The following TMEM117 variants were observed in gnomAD, a reference collection of about 807,000 sequenced individuals.
The protein encoded by TMEM117 is transmembrane protein 117.
Under a neutral mutation model 52.4 loss-of-function variants are expected in TMEM117, and 27 were observed. The observed-to-expected ratio is 0.51, with a 90% CI of 0.38 to 0.71. TMEM117 has a LOEUF of 0.71. Among genes scored for constraint, TMEM117 ranks in the 30% least tolerant of loss-of-function variants. The pLI, the probability that TMEM117 is intolerant of heterozygous loss-of-function variation, is 0.00. For missense variants in TMEM117, 556 were observed against 630.5 expected (o/e 0.88, Z 1.26); for synonymous variants, 215 against 206.3 (o/e 1.04, Z -0.36).
intron 6 of TMEM117, among the ~76,000 whole-genome samples, chr12:44,334,770 A>T (rs1247371192): frequency 6.6e-6 from 1 of 152,026 alleles, no homozygotes; most frequent in Non-Finnish European, 1.5e-5. Flanking sequence ...CACACTCCTC[A>T]ACTCTTGGCA....
At chr12:44,198,000 T>C (rs1361348032) in intron 4 of TMEM117, among the ~76,000 whole-genome samples, 1 of 152,236 alleles carries the variant, frequency 6.6e-6, no homozygotes, top group African/African-American at 2.4e-5. Context: ...GATTTTAAGA[T>C]ACTTCTTGTG....
At chr12:44,139,786 A>G (rs1948545192) in intron 3 of TMEM117, among the ~76,000 whole-genome samples, 1 of 152,148 alleles carries the variant, frequency 6.6e-6, no homozygotes, top group Non-Finnish European at 1.5e-5. Flanking sequence ...ACTTGCCCAA[A>G]TCAGTAGGTA....
In TMEM117 at chr12:44,388,070, G is replaced by T. The variant is rs1952114863; in HGVS notation, c.943G>T (p.Asp315Tyr). 1 of 1,611,800 alleles carries T rather than the reference G, an allele frequency of 6.2e-7. No homozygotes were observed. ...AATTATCTTCCTCGTCTTGATTTTG[G>T]ATCTTAATATGTGGAAGAACCAAAT... ...YGIIFLVLIL[D>Y]LNMWKNQIFY... Residue 315 changes from aspartate (D) to tyrosine (Y), a missense_variant, in exon 8 of 8, where the codon GAT becomes TAT. This residue lies in a region of TMEM117 where 22 missense variants were observed against 48.1 expected (regional missense o/e 0.46). Coordinates refer to ENST00000266534, the MANE Select transcript of TMEM117 (RefSeq NM_032256.3).
chr12:44,045,704 G>A (rs538663737), intron 3 of TMEM117, among the ~76,000 whole-genome samples: 3 of 152,182 alleles, frequency 2.0e-5, no homozygotes, highest in Non-Finnish European at 2.9e-5. Context: ...TTAGCCAAGC[G>A]TGGTGGCGGG....
intron 4 of TMEM117, among the ~76,000 whole-genome samples, chr12:44,190,101 G>A (rs541047664): frequency 1.6e-4 from 24 of 152,294 alleles, no homozygotes; most frequent in African/African-American, 5.3e-4. Flanking sequence ...TGTCCATCTA[G>A]GGAAAGTAAT....
intron 6 of TMEM117, among the ~76,000 whole-genome samples, chr12:44,347,765 T>TAGTC (rs1951507996): frequency 6.6e-6 from 1 of 151,980 alleles, no homozygotes; most frequent in Non-Finnish European, 1.5e-5. Context: ...CTCAGAGAAA[T>TAGTC]AGTCAAACAC....
At chr12:43,992,647 C>T (rs1945962980) in intron 3 of TMEM117, among the ~76,000 whole-genome samples, 1 of 152,160 alleles carries the variant, frequency 6.6e-6, no homozygotes, top group Non-Finnish European at 1.5e-5. Context: ...CTGAAATAGA[C>T]AGTGTTCCAG....
chr12:43,979,456 T>C (rs2137716139), intron 3 of TMEM117, among the ~76,000 whole-genome samples: 1 of 152,312 alleles, frequency 6.6e-6, no homozygotes, highest in Middle Eastern at 3.4e-3. Flanking sequence ...TTAGCATTCC[T>C]TGAGGAAGTA....
intron 4 of TMEM117, among the ~76,000 whole-genome samples, chr12:44,207,334 A>G (rs944993231): frequency 2.6e-5 from 4 of 152,178 alleles, no homozygotes; most frequent in Admixed American, 6.6e-5. Context: ...CTTTAGATAC[A>G]GTATATGTAG....
At chr12:43,975,402 A>G (rs904853802) in intron 3 of TMEM117, among the ~76,000 whole-genome samples, 2 of 152,218 alleles carry the variant, frequency 1.3e-5, no homozygotes, top group Non-Finnish European at 2.9e-5. Context: ...AATAGTTATC[A>G]AGACCTAACT....
At chr12:44,275,515 G>T (rs1016234614) in intron 5 of TMEM117, among the ~76,000 whole-genome samples, 10 of 152,008 alleles carry the variant, frequency 6.6e-5, no homozygotes, top group Non-Finnish European at 1.2e-4. Context: ...TTGCAGCACT[G>T]TTCACAATAG....
Position 44,172,655 on chromosome 12 carries a change from A to G in TMEM117, c.510+29031A>G, listed in dbSNP as rs558162651. Among the ~76,000 whole-genome samples, 5 of 152,242 alleles carry G rather than the reference A, an allele frequency of 3.3e-5. No individual in the cohort carries two copies. In the South Asian group the frequency reaches 1.0e-3, roughly 32 times the overall value. On this transcript the variant is annotated intron_variant, in intron 4 of 7. Transcript: ENST00000266534. ...TTTCAGGAACACAGTTAAACCCGTA[A>G]CACTGCCTCTATTGTGTGCATGTGT...
intron 3 of TMEM117, among the ~76,000 whole-genome samples, chr12:43,970,664 T>C (rs1267091782): frequency 6.6e-6 from 1 of 152,160 alleles, no homozygotes. Flanking sequence ...ATCATAGGTA[T>C]GTATATATAG....
At chr12:43,883,119 T>C (rs1392084016) in intron 2 of TMEM117, among the ~76,000 whole-genome samples, 2 of 152,204 alleles carry the variant, frequency 1.3e-5, no homozygotes, top group Non-Finnish European at 2.9e-5. Flanking sequence ...ATTTTTGTTC[T>C]TTATAATGTA....
chr12:44,135,299 G>A (rs185557443), intron 3 of TMEM117, among the ~76,000 whole-genome samples: 112 of 152,236 alleles, frequency 7.4e-4, no homozygotes, highest in African/African-American at 2.6e-3. Context: ...TCCAAGATGG[G>A]ACCACTAGCT....
chr12:44,128,012 A>G (rs1948354635), intron 3 of TMEM117, among the ~76,000 whole-genome samples: 1 of 152,248 alleles, frequency 6.6e-6, no homozygotes, highest in Non-Finnish European at 1.5e-5. Context: ...TTTTAAAGAT[A>G]TGAAATAAAT....
At chr12:44,215,609 G>A (rs1293614473) in intron 5 of TMEM117, among the ~76,000 whole-genome samples, 1 of 152,004 alleles carries the variant, frequency 6.6e-6, no homozygotes, top group Non-Finnish European at 1.5e-5. Context: ...TAAAGAACAA[G>A]TAATATGATA....
chr12:43,954,657 A>C (rs546332790), intron 3 of TMEM117, among the ~76,000 whole-genome samples: 81 of 152,320 alleles, frequency 5.3e-4, no homozygotes, highest in African/African-American at 1.9e-3. Context: ...AGTAATAAAT[A>C]GCCTACCAAC....
intron 5 of TMEM117, among the ~76,000 whole-genome samples, chr12:44,275,286 C>T (rs757254059): frequency 3.9e-5 from 6 of 152,058 alleles, no homozygotes; most frequent in South Asian, 4.2e-4. Context: ...TCTATCCAAA[C>T]GACAGACAAT....
Sources: allele counts gnomAD v4.1 joint callset (sites outside exome capture counted in the v4.1 genomes callset), GRCh38; gene constraint gnomAD v4.1.1; regional missense constraint gnomAD v4.1.1; transcripts MANE v1.5; gene names NCBI Gene and HGNC (gene_info 2026-07-23, HGNC 2026-07-21).